The following VPS13B variants were observed in gnomAD, a reference collection of about 807,000 sequenced individuals.
VPS13B encodes the protein vacuolar protein sorting 13 homolog B.
A neutral mutation model predicts 426.4 loss-of-function variants in VPS13B; 285 were observed. The observed-to-expected ratio is 0.67, with a 90% CI of 0.61 to 0.74. The LOEUF (loss-of-function observed/expected upper bound fraction) is 0.74, where lower values mean the gene tolerates loss of function less well. VPS13B is among the 30% of genes least tolerant of loss of function. The pLI, the probability that VPS13B is intolerant of heterozygous loss-of-function variation, is 0.00. For synonymous variants in VPS13B, 1,676 were observed against 1,676.4 expected, an observed-to-expected ratio of 1.00 and a Z score of 0.01; for missense variants, 4,537 against 4,782.6, an observed-to-expected ratio of 0.95 and a Z score of 1.51.
At chr8:99,777,147 C>T (rs1012542687) in intron 41 of VPS13B, among the ~76,000 whole-genome samples, 191 bp downstream of exon 41, 2 of 152,112 alleles carry the variant, frequency 1.3e-5, no homozygotes, top group Non-Finnish European at 2.9e-5. Flanking sequence ...AGCTTATGAA[C>T]CCATTATATA....
intron 3 of VPS13B, among the ~76,000 whole-genome samples, chr8:99,056,212 A>G (rs934238009): frequency 2.0e-5 from 3 of 151,758 alleles, no homozygotes; most frequent in Admixed American, 6.6e-5. Context: ...GTGCGCCACT[A>G]TGCCCGGCTA....
At chr8:99,795,828 T>C (rs776986831) in intron 43 of VPS13B, among the ~76,000 whole-genome samples, 2 of 152,228 alleles carry the variant, frequency 1.3e-5, no homozygotes, top group Non-Finnish European at 2.9e-5. Flanking sequence ...AGCTGCTGTC[T>C]TCCAGATCAA....
chr8:99,391,518 A>C (rs758864041), intron 20 of VPS13B, 39 bp from the exon 21 acceptor site: 2 of 1,613,850 alleles, frequency 1.2e-6, no homozygotes, highest in Admixed American at 1.7e-5. Flanking sequence ...ATAGTGAAAA[A>C]CTAAAAACTA....
At chr8:99,796,301 G>A (rs1812808802) in intron 43 of VPS13B, among the ~76,000 whole-genome samples, 1 of 152,040 alleles carries the variant, frequency 6.6e-6, no homozygotes, top group South Asian at 2.1e-4. Flanking sequence ...ATTACAGTGG[G>A]CTAAGAAGTG....
At chr8:99,441,242 G>C (rs1245053642) in intron 22 of VPS13B, among the ~76,000 whole-genome samples, 1 of 152,022 alleles carries the variant, frequency 6.6e-6, no homozygotes, top group East Asian at 1.9e-4. Flanking sequence ...AGACAAACAG[G>C]TTTGTTTATT....
chr8:99,677,764 C>G (rs1385105930), intron 35 of VPS13B, among the ~76,000 whole-genome samples: 1 of 152,084 alleles, frequency 6.6e-6, no homozygotes, highest in African/African-American at 2.4e-5. Context: ...CTTCATCTAG[C>G]CTAATTCTGT....
At chr8:99,643,041 C>A (rs1236664227) in intron 34 of VPS13B, among the ~76,000 whole-genome samples, 1 of 152,106 alleles carries the variant, frequency 6.6e-6, no homozygotes, top group Non-Finnish European at 1.5e-5. Context: ...GCTGCCCAAC[C>A]CATCCCTTCC....
intron 59 of VPS13B, 43 bp from the exon 60 acceptor site, chr8:99,870,742 C>G: frequency 1.3e-6 from 2 of 1,585,224 alleles, no homozygotes; most frequent in East Asian, 2.2e-5. Flanking sequence ...AAACTGTTTT[C>G]CAGAAAACAA....
At chr8:99,702,828 A>G (rs1162426078) in intron 36 of VPS13B, among the ~76,000 whole-genome samples, 1 of 152,164 alleles carries the variant, frequency 6.6e-6, no homozygotes, top group Non-Finnish European at 1.5e-5. Context: ...TAAACAGGGT[A>G]AAACGGTCCT....
At chr8:99,582,429 C>T (rs1461540048) in intron 33 of VPS13B, among the ~76,000 whole-genome samples, 3 of 152,064 alleles carry the variant, frequency 2.0e-5, no homozygotes, top group Non-Finnish European at 2.9e-5. Context: ...TCCCTATTAC[C>T]GTATTCACTT....
At chr8:99,556,312 G>A (rs1313584271) in intron 30 of VPS13B, 138 bp from the exon 31 acceptor site, 1 of 885,382 alleles carries the variant, frequency 1.1e-6, no homozygotes, top group Admixed American at 2.2e-5. Flanking sequence ...CTTTTTCATA[G>A]ATGTGCCCCA....
chr8:99,233,010 T>C, intron 17 of VPS13B: 3 of 833,472 alleles, frequency 3.6e-6, no homozygotes, highest in South Asian at 2.9e-5. Flanking sequence ...TTGGAAGGGC[T>C]CCATTCATCT....
At chr8:99,165,165 C>T (rs1811927209) in intron 15 of VPS13B, among the ~76,000 whole-genome samples, 1 of 152,276 alleles carries the variant, frequency 6.6e-6, no homozygotes, top group Non-Finnish European at 1.5e-5. Flanking sequence ...TATTATGTCA[C>T]ATACTATCAT....
intron 31 of VPS13B, among the ~76,000 whole-genome samples, chr8:99,573,731 C>T (rs1211730951): frequency 1.9e-4 from 29 of 152,056 alleles, no homozygotes; most frequent in East Asian, 5.8e-4. Flanking sequence ...AGTCAGGTAG[C>T]GTGATGCCTC....
Position 99,135,660 on chromosome 8 carries a change from C to A in VPS13B, c.1490C>A (p.Ser497Ter). 16 of 1,613,432 alleles carry A rather than the reference C, an allele frequency of 9.9e-6. No homozygotes were observed. The highest frequency in any genetic ancestry group is 1.4e-5 in the Non-Finnish European group (16 of 1,179,542). ...AAAGGTTTCACATACCTTACAAATT[C>A]ATTGTTTGATTACCGAAGCCCAGAA... ...STKGFTYLTN[S>*]LFDYRSPENN... The change falls in exon 11 of 62, where the codon TCA becomes TAA. Residue 497 changes from serine (S) to a stop codon, truncating the protein, a stop_gained. Coordinates refer to ENST00000357162, the MANE Select transcript of VPS13B (RefSeq NM_152564.5). LOFTEE classifies it high-confidence loss of function.
intron 34 of VPS13B, among the ~76,000 whole-genome samples, chr8:99,652,794 T>C (rs1460152594): frequency 6.6e-6 from 1 of 152,154 alleles, no homozygotes; most frequent in African/African-American, 2.4e-5. Context: ...ATGATCACAC[T>C]CTGAACATTT....
At chr8:99,397,629 A>G (rs1284699335) in intron 21 of VPS13B, among the ~76,000 whole-genome samples, 3 of 152,156 alleles carry the variant, frequency 2.0e-5, no homozygotes, top group African/African-American at 7.2e-5. Context: ...TTAAGCACGC[A>G]CCCTAAAGCT....
intron 19 of VPS13B, among the ~76,000 whole-genome samples, chr8:99,300,927 A>C (rs1023055185): frequency 1.3e-4 from 20 of 150,898 alleles, no homozygotes; most frequent in Non-Finnish European, 2.8e-4. Context: ...ACACATAATA[A>C]AAATATTAAC....
At chr8:99,595,318 C>T (rs1429520385) in intron 33 of VPS13B, among the ~76,000 whole-genome samples, 1 of 151,866 alleles carries the variant, frequency 6.6e-6, no homozygotes, top group African/African-American at 2.4e-5. Flanking sequence ...CAGGTACTAA[C>T]TCTCCTGTTT....
Sources: gnomAD v4.1 joint callset for allele counts (sites outside exome capture counted in the v4.1 genomes callset) on GRCh38, gnomAD v4.1.1 for gene constraint, MANE v1.5 for transcripts, NCBI Gene and HGNC (gene_info 2026-07-23, HGNC 2026-07-21) for gene names.